The following PRSS2 variants were observed in gnomAD, a reference collection of about 807,000 sequenced individuals.
The protein encoded by PRSS2 is trypsin-2.
Under a neutral mutation model 19.2 loss-of-function variants are expected in PRSS2, and 19 were observed. The ratio of observed to expected loss-of-function variants is 0.99; its 90% CI spans 0.69 to 1.45. PRSS2 has a LOEUF of 1.45. Among genes scored for constraint, PRSS2 ranks in the 40% most tolerant of loss-of-function variants. PRSS2 has a pLI of 0.00. For synonymous variants in PRSS2, 107 were observed against 117.5 expected, an observed-to-expected ratio of 0.91 and a Z score of 0.58; for missense variants, 288 against 294.4, an observed-to-expected ratio of 0.98 and a Z score of 0.16.
At chr7:142,773,802 A>G (rs891259505) in intron 3 of PRSS2, 117 bp from the exon 4 acceptor site, 10 of 677,252 alleles carry the variant, frequency 1.5e-5, no homozygotes, top group Non-Finnish European at 2.3e-5. Flanking sequence ...GCCAGGACTT[A>G]TGTTTTGGAG....
chr7:142,774,079 G>A lies in PRSS2; in HGVS notation c.591+24G>A, dbSNP rs757360088. ...AGGTGATTTGACCCCTTCCCATGCT[G>A]AGGCTCCCACTGATAACCAGGCCCC... On this transcript the variant is annotated intron_variant, in intron 4 of 4. Transcript: ENST00000539842. The A allele has an allele frequency of 3.2e-6, 5 of 1,578,264 alleles. No homozygotes were observed. In the South Asian group the frequency reaches 5.5e-5, roughly 17 times the overall value.
At chr7:142,772,368 A>G (rs1011943924) in intron 2 of PRSS2, 160 bp downstream of exon 2, 18 of 1,110,084 alleles carry the variant, frequency 1.6e-5, no homozygotes, top group Non-Finnish European at 2.4e-5. Flanking sequence ...GAGAGTGAAC[A>G]CAAGACAGGA....
intron 1 of PRSS2, 95 bp downstream of exon 1, chr7:142,771,117 G>T (rs373873832): frequency 2.2e-6 from 1 of 459,570 alleles, no homozygotes; most frequent in South Asian, 5.4e-5. Context: ...TGACTGTGCT[G>T]TGATATTCTA....
rs1800186535 is a variant in PRSS2 at position 142,773,781 on chromosome 7, C to T, written c.455-138C>T. ...AATGATCATTCTGGGAACTAAAAGC[C>T]AGAGTCCCTTGCCAGGACTTATGTT... On this transcript the variant is annotated intron_variant, in intron 3 of 4. Coordinates refer to ENST00000539842, the MANE Select transcript of PRSS2 (RefSeq NM_002770.4). The T allele has an allele frequency of 1.1e-5, 15 of 1,346,180 alleles. No individual in the cohort carries two copies. The South Asian group carries it at 1.7e-4, about 15-fold the overall frequency. The allele number at this position is 1,346,180 out of a possible 1,614,324, so 83.4% of individuals were successfully genotyped here. A position where few individuals can be genotyped will look rare whatever the true frequency, so the allele number is the denominator to read the frequency against.
intron 2 of PRSS2, chr7:142,772,731 A>C: frequency 1.8e-6 from 1 of 560,822 alleles, no homozygotes; most frequent in Non-Finnish European, 3.1e-6. Flanking sequence ...TTAAGGCACA[A>C]ATCACTGGGA....
Position 142,773,253 on chromosome 7 carries a change from C to T in PRSS2, c.201-13C>T. The T allele has an allele frequency of 6.2e-7, 1 of 1,614,238 alleles. No individual in the cohort carries two copies. The highest frequency in any genetic ancestry group is 8.5e-7 in the Non-Finnish European group (1 of 1,180,044). ...TGGGAGAAGGTCTTCACCATGCCTGCCCTGCCCATCAGCCGCATCCAGGTG... is the reference window on the plus strand; with the variant it reads ...TGGGAGAAGGTCTTCACCATGCCTGTCCTGCCCATCAGCCGCATCCAGGTG... On this transcript the variant is annotated splice_polypyrimidine_tract_variant and intron_variant, in intron 2 of 4. Coordinates refer to ENST00000539842, the MANE Select transcript of PRSS2 (RefSeq NM_002770.4).
chr7:142,772,071 T>C lies in PRSS2; in HGVS notation c.63T>C (p.Asp21=), dbSNP rs371888080. 279 of 1,613,732 alleles carry C rather than the reference T, an allele frequency of 1.7e-4. 3 individuals are homozygous for C. The Middle Eastern group carries it at 5.1e-3, about 30-fold the overall frequency. Residue 21 remains aspartate (D), a synonymous_variant, in exon 2 of 5, where the codon GAT becomes GAC. Coordinates refer to ENST00000539842, the MANE Select transcript of PRSS2 (RefSeq NM_002770.4). ...CAGTTGCTGCCCCCTTTGATGATGA[T>C]GACAAGATCGTTGGGGGCTACATCT... is the stretch of plus-strand genomic sequence containing the variant. ...AAAVAAPFDD[D]DKIVGGYICE... is the part of the protein sequence containing the mutation.
chr7:142,773,453 A>C lies in PRSS2; in HGVS notation c.388A>C (p.Thr130Pro). Residue 130 changes from threonine to proline, a missense_variant, in exon 3 of 5, where the codon ACT becomes CCT. By Grantham distance (38) the Thr-to-Pro change is conservative (BLOSUM62 -1). Transcript: ENST00000539842. ...CCGCGTGTCCGCCATCTCTCTGCCC[A>C]CTGCCCCTCCAGCTGCTGGCACCGA... ...NSRVSAISLP[T>P]APPAAGTESL... is the part of the protein sequence containing the mutation. The C allele has an allele frequency of 1.2e-6, 2 of 1,601,156 alleles. No homozygotes were observed. Among genetic ancestry groups the C allele is most frequent in the East Asian group, 2.2e-5 (1 of 44,692 alleles).
At position 142,774,401 on chromosome 7, in the gene PRSS2, A is replaced by G. The variant is rs936867518; in HGVS notation, c.637A>G (p.Ile213Val). ...PVVSNGELQG[I>V]VSWGYGCAQK... is the part of the protein sequence containing the mutation. ...GGTCTCCAATGGAGAGCTCCAAGGA[A>G]TTGTCTCCTGGGGCTATGGCTGTGC... The change falls in exon 5 of 5, where the codon ATT becomes GTT. Residue 213 changes from isoleucine to valine, a missense_variant. Ile to Val is a conservative substitution (Grantham distance 29). Transcript: ENST00000539842. 1.5e-5 allele frequency: 23 copies of G among 1,560,836 alleles called. No homozygotes were observed. In the Middle Eastern group the frequency reaches 5.0e-4, roughly 34 times the overall value.
chr7:142,773,164 C>A (rs1800100358), intron 2 of PRSS2, 102 bp from the exon 3 acceptor site: 1 of 1,606,754 alleles, frequency 6.2e-7, no homozygotes, highest in Non-Finnish European at 8.5e-7. Context: ...CCCCATGCCT[C>A]CAGAGCTGTC....
Position 142,771,047 on chromosome 7 carries a change from C to A in PRSS2, c.40+25C>A, listed in dbSNP as rs920750968. Reference sequence around the variant, plus strand: ...GGTGAGTTTCACGCCCTGCCTCAGGCCTCAACCAACCCTTCCCTGGCAGAC... The same window carrying A: ...GGTGAGTTTCACGCCCTGCCTCAGGACTCAACCAACCCTTCCCTGGCAGAC... On this transcript the variant is annotated intron_variant, in intron 1 of 4. Coordinates refer to ENST00000539842, the MANE Select transcript of PRSS2 (RefSeq NM_002770.4). 3 of 605,176 alleles carry A rather than the reference C, an allele frequency of 5.0e-6. No individual in the cohort carries two copies. The South Asian group carries it at 8.8e-5, about 18-fold the overall frequency. 37.5% of individuals were successfully genotyped at this position (605,176 alleles called of 1,614,324 possible).
rs768137010 is a variant in PRSS2 at position 142,773,252 on chromosome 7, G to A, written c.201-14G>A. 21 of 1,614,224 alleles carry A rather than the reference G, an allele frequency of 1.3e-5. No homozygotes were observed. The highest frequency in any genetic ancestry group is 1.7e-5 in the Non-Finnish European group (20 of 1,180,034). ...GTGGGAGAAGGTCTTCACCATGCCT[G>A]CCCTGCCCATCAGCCGCATCCAGGT... On this transcript the variant is annotated splice_polypyrimidine_tract_variant and intron_variant, in intron 2 of 4. Transcript: ENST00000539842.
chr7:142,771,446 G>T (rs1223410481), intron 1 of PRSS2, among the ~76,000 whole-genome samples: 1 of 152,260 alleles, frequency 6.6e-6, no homozygotes, highest in Admixed American at 6.5e-5. Flanking sequence ...TGCAGCCTGT[G>T]TTCTGGGCTT....
In PRSS2 at chr7:142,771,012, T is replaced by A. The variant is rs371688494; in HGVS notation, c.30T>A (p.Val10=). 1 of 542,350 alleles carries A rather than the reference T, an allele frequency of 1.8e-6. No homozygotes were observed. Among genetic ancestry groups the A allele is most frequent in the Admixed American group, 2.7e-5 (1 of 37,556 alleles). The allele number at this position is 542,350 out of a possible 1,614,324, so 33.6% of individuals were successfully genotyped here. A position where few individuals can be genotyped will look rare whatever the true frequency, so the allele number is the denominator to read the frequency against. Residue 10 remains valine, a synonymous_variant, in exon 1 of 5, where the codon GTT becomes GTA. Coordinates refer to ENST00000539842, the MANE Select transcript of PRSS2 (RefSeq NM_002770.4). The stretch of plus-strand genomic sequence containing the variant: ...ATCTACTTCTGATCCTTACCTTTGT[T>A]GCAGCTGCTGGTGAGTTTCACGCCC... MNLLLILTF[V]AAAVAAPFDD... is the part of the protein sequence containing the mutation.
At position 142,771,926 on chromosome 7, in the gene PRSS2, C is replaced by A. The variant is rs1332206286; in HGVS notation, c.41-123C>A. 4.1e-6 allele frequency: 6 copies of A among 1,450,844 alleles called. No homozygotes were observed. In the African/African-American group the frequency reaches 7.0e-5, roughly 17 times the overall value. The allele number at this position is 1,450,844 out of a possible 1,614,324, so 89.9% of individuals were successfully genotyped here. A position where few individuals can be genotyped will look rare whatever the true frequency, so the allele number is the denominator to read the frequency against. ...TGATCACCAGGGCTGGCAGCGCTCC[C>A]CCCCTTGCCTAGCCTCACTGAGCTT... On this transcript the variant is annotated intron_variant, in intron 1 of 4. Coordinates refer to ENST00000539842, the MANE Select transcript of PRSS2 (RefSeq NM_002770.4).
intron 2 of PRSS2, 183 bp downstream of exon 2, chr7:142,772,391 C>G: frequency 1.1e-6 from 1 of 948,548 alleles, no homozygotes; most frequent in Non-Finnish European, 1.7e-6. Context: ...CCCTCACACC[C>G]AGGCAAATCC....
chr7:142,771,364 T>C (rs973697063), intron 1 of PRSS2, among the ~76,000 whole-genome samples: 942 of 152,066 alleles, frequency 6.2e-3, no homozygotes, highest in Admixed American at 0.042. Context: ...TAACCTCGAA[T>C]GCACCTGGGG....
chr7:142,774,057 T>C lies in PRSS2; in HGVS notation c.591+2T>C, dbSNP rs771890076. ...GAGGGAGGCAAGGATTCCTGCCAGG[T>C]GATTTGACCCCTTCCCATGCTGAGG... is the stretch of plus-strand genomic sequence containing the variant. On this transcript the variant is annotated splice_donor_variant, in intron 4 of 4. Coordinates refer to ENST00000539842, the MANE Select transcript of PRSS2 (RefSeq NM_002770.4). LOFTEE classifies it high-confidence loss of function. The C allele has an allele frequency of 1.3e-5, 20 of 1,589,076 alleles. No individual in the cohort carries two copies. The highest frequency in any genetic ancestry group is 2.7e-5 in the African/African-American group (2 of 74,384).
chr7:142,772,959 G>T (rs1241197377), intron 2 of PRSS2, among the ~76,000 whole-genome samples: 2 of 152,036 alleles, frequency 1.3e-5, no homozygotes. Flanking sequence ...GGAGCTCCTT[G>T]TGCCCACAGT....
Sources: allele counts gnomAD v4.1 joint callset (sites outside exome capture counted in the v4.1 genomes callset), GRCh38; gene constraint gnomAD v4.1.1; transcripts MANE v1.5; gene names NCBI Gene and HGNC (gene_info 2026-07-23, HGNC 2026-07-21).